Variants in PPFIBP2 observed in about 807,000 individuals in gnomAD.
PPFIBP2 encodes the protein liprin-beta-2.
PPFIBP2 carries 118 observed loss-of-function variants against 118.3 expected under a neutral mutation model. The ratio of observed to expected loss-of-function variants is 1.00; its 90% CI spans 0.86 to 1.16. The LOEUF is 1.16. PPFIBP2 is among the 50% of genes most tolerant of loss of function. The pLI is 0.00. For missense variants in PPFIBP2, 1,195 were observed against 1,073.1 expected (o/e 1.11, Z -1.59); for synonymous variants, 414 against 397.4 (o/e 1.04, Z -0.50).
At chr11:7,655,507 CTG>C, downstream of PPFIBP2, 1 of 1,289,608 alleles carries the variant, frequency 7.8e-7, no homozygotes, top group Non-Finnish European at 1.0e-6. Flanking sequence ...CGGTAGGACT[CTG>C]ACCCTCTCCC....
In PPFIBP2 at chr11:7,648,322, C is replaced by T; in HGVS notation, c.1647-65C>T. Reference sequence around the variant, plus strand: ...CTTTTCTTTTCTTTTGTTTGTGAGACATGATTAGATTCAGAACCTCAGGCT... The same window carrying T: ...CTTTTCTTTTCTTTTGTTTGTGAGATATGATTAGATTCAGAACCTCAGGCT... On this transcript the variant is annotated intron_variant, in intron 17 of 23. Coordinates refer to ENST00000299492, the MANE Select transcript of PPFIBP2 (RefSeq NM_003621.5). 2.0e-6 allele frequency: 3 copies of T among 1,497,564 alleles called. No homozygotes were observed. In the African/African-American group the frequency reaches 4.2e-5, roughly 21 times the overall value. 92.8% of individuals were successfully genotyped at this position (1,497,564 alleles called of 1,614,324 possible). A position where few individuals can be genotyped will look rare whatever the true frequency, so the allele number is the denominator to read the frequency against.
chr11:7,552,328 T>TA (rs1853086244), intron 2 of PPFIBP2, among the ~76,000 whole-genome samples: 1 of 152,256 alleles, frequency 6.6e-6, no homozygotes, highest in African/African-American at 2.4e-5. Flanking sequence ...TAGCTCTTGA[T>TA]AGATTAATGA....
In PPFIBP2 at chr11:7,651,292, C is replaced by T. The variant is rs1414962722; in HGVS notation, c.2247+327C>T. ...GGGAAGCCGTAAAAATGCAGCTTCC[C>T]ACTTGCTGCAATAGGATCCCTATCA... On this transcript the variant is annotated intron_variant, in intron 22 of 23. Coordinates refer to ENST00000299492, the MANE Select transcript of PPFIBP2 (RefSeq NM_003621.5). The T allele has an allele frequency of 2.1e-5, 7 of 333,092 alleles. No individual in the cohort carries two copies. The East Asian group carries it at 3.7e-4, about 17-fold the overall frequency. 20.6% of individuals were successfully genotyped at this position (333,092 alleles called of 1,614,324 possible).
chr11:7,607,571 G>A (rs1044545418), intron 5 of PPFIBP2, among the ~76,000 whole-genome samples: 5 of 152,032 alleles, frequency 3.3e-5, no homozygotes, highest in Non-Finnish European at 7.4e-5. Context: ...ATTAGTAATT[G>A]TCATGTATCT....
chr11:7,663,728 C>T, the PPFIBP2 span, among the ~76,000 whole-genome samples: 10 of 152,234 alleles, frequency 6.6e-5, no homozygotes, highest in South Asian at 4.1e-4. Flanking sequence ...TGGGTAATGG[C>T]GGGCGCCCCT....
intron 4 of PPFIBP2, chr11:7,597,231 G>C: frequency 6.6e-7 from 1 of 1,525,456 alleles, no homozygotes; most frequent in Non-Finnish European, 8.8e-7. Context: ...CTTGAGGTCG[G>C]GGCTGTTCTG....
intron 3 of PPFIBP2, among the ~76,000 whole-genome samples, chr11:7,583,022 C>G (rs1242582090): frequency 2.0e-5 from 3 of 152,204 alleles, no homozygotes; most frequent in African/African-American, 7.2e-5. Context: ...TCTCTTCATG[C>G]TGCCTTATAA....
chr11:7,565,823 A>T (rs890166861), intron 3 of PPFIBP2, 56 bp downstream of exon 3: 3 of 1,573,282 alleles, frequency 1.9e-6, no homozygotes, highest in East Asian at 4.5e-5. Context: ...GGTGCAGCCC[A>T]TGGAGTGCCA....
chr11:7,556,955 T>TGA (rs769340941), intron 2 of PPFIBP2, among the ~76,000 whole-genome samples: 5 of 152,212 alleles, frequency 3.3e-5, no homozygotes, highest in Admixed American at 6.5e-5. Context: ...TGGGACTCAG[T>TGA]GAGTGTCTTT....
At chr11:7,665,583 GCCAGGTGGAGTTCCTGATC>G in the PPFIBP2 span, 1 of 1,555,592 alleles carries the variant, frequency 6.4e-7, no homozygotes, top group South Asian at 1.3e-5. Flanking sequence ...GCTGAGCGAT[GCCAGGTGGAGTTCCTGATC>G]CCAGGCCGCC....
intron 17 of PPFIBP2, among the ~76,000 whole-genome samples, chr11:7,646,045 C>T (rs984438442): frequency 2.6e-5 from 4 of 152,040 alleles, no homozygotes; most frequent in African/African-American, 9.7e-5. Flanking sequence ...ACACCAAAAG[C>T]AGTAATTTGC....
At chr11:7,634,603 T>G in intron 13 of PPFIBP2, 51 bp downstream of exon 13, 17 of 1,428,470 alleles carry the variant, frequency 1.2e-5, no homozygotes, top group South Asian at 2.3e-5. Context: ...TTTTTGGGCC[T>G]AGCATAGTAC....
intron 1 of PPFIBP2, among the ~76,000 whole-genome samples, chr11:7,541,851 C>A (rs1204290478): frequency 1.3e-5 from 2 of 152,192 alleles, no homozygotes; most frequent in Admixed American, 1.3e-4. Context: ...CCTCCACATT[C>A]TCTAGGTACT....
intron 3 of PPFIBP2, among the ~76,000 whole-genome samples, chr11:7,576,172 G>A (rs1002725046): frequency 2.0e-5 from 3 of 152,244 alleles, no homozygotes; most frequent in Admixed American, 6.5e-5. Flanking sequence ...AGGAAACCCC[G>A]GAGGTGACCC....
chr11:7,652,392 C>T (rs970351457), intron 23 of PPFIBP2, among the ~76,000 whole-genome samples: 1 of 152,232 alleles, frequency 6.6e-6, no homozygotes, highest in African/African-American at 2.4e-5. Context: ...CTGCCTGAGC[C>T]ACAGCATCCT....
Position 7,641,580 on chromosome 11 carries a change from G to A in PPFIBP2, c.1477G>A (p.Gly493Ser), listed in dbSNP as rs1313027829. The change falls in exon 16 of 24, where the codon GGT becomes AGT. Residue 493 changes from glycine to serine, a missense_variant. Physicochemically the swap from Gly to Ser is moderately conservative, Grantham distance 56. Transcript: ENST00000299492. ...TCCTCAGTCTCCTCTGACACCAGAT[G>A]GTAAACGGAATCCCAAAGGCATTAA... ...SGPQSPLTPD[G>S]KRNPKGIKKF... 2 of 1,613,916 alleles carry A rather than the reference G, an allele frequency of 1.2e-6. No homozygotes were observed. The highest frequency in any genetic ancestry group is 1.7e-5 in the Admixed American group (1 of 60,006).
chr11:7,570,756 A>G (rs993033979), intron 3 of PPFIBP2, among the ~76,000 whole-genome samples: 5 of 152,124 alleles, frequency 3.3e-5, no homozygotes, highest in African/African-American at 9.7e-5. Context: ...TATGGAAGGT[A>G]GGAAGGAGTT....
intron 14 of PPFIBP2, among the ~76,000 whole-genome samples, chr11:7,636,439 G>A (rs1270518750): frequency 6.6e-6 from 1 of 152,132 alleles, no homozygotes; most frequent in Non-Finnish European, 1.5e-5. Flanking sequence ...CATCTGAACT[G>A]TATAGCAAAA....
intron 7 of PPFIBP2, among the ~76,000 whole-genome samples, chr11:7,625,358 G>A (rs190764654): frequency 1.3e-5 from 2 of 152,176 alleles, no homozygotes; most frequent in African/African-American, 4.8e-5. Flanking sequence ...GCATGCACTT[G>A]TTATAGTGGT....
Sources: gnomAD v4.1 joint callset for allele counts (sites outside exome capture counted in the v4.1 genomes callset) on GRCh38, gnomAD v4.1.1 for gene constraint, MANE v1.5 for transcripts, NCBI Gene and HGNC (gene_info 2026-07-23, HGNC 2026-07-21) for gene names.